BLTP3B: variants seen among roughly 807,000 people sequenced by gnomAD.
BLTP3B encodes the protein UHRF1 (ICBP90) binding protein 1-like.
chr12:100,097,366 C>T, the BLTP3B span: 2 of 1,608,642 alleles, frequency 1.2e-6, no homozygotes, highest in East Asian at 2.2e-5. Context: ...TTGACTCACC[C>T]TTCTTTTAAG....
the BLTP3B span, among the ~76,000 whole-genome samples, chr12:100,106,985 T>C: frequency 6.6e-6 from 1 of 152,100 alleles, no homozygotes; most frequent in South Asian, 2.1e-4. Flanking sequence ...AATTGACATA[T>C]GATTAAAGAT....
the BLTP3B span, chr12:100,058,446 T>C: frequency 6.2e-7 from 1 of 1,613,350 alleles, no homozygotes; most frequent in Non-Finnish European, 8.5e-7. Context: ...CAAAGGATCC[T>C]TTAAAGGGAT....
the BLTP3B span, chr12:100,097,540 A>G: frequency 6.4e-7 from 1 of 1,553,344 alleles, no homozygotes; most frequent in Non-Finnish European, 8.7e-7. Flanking sequence ...TCACTTACTC[A>G]TGCAAAACAG....
chr12:100,087,164 A>G, the BLTP3B span, among the ~76,000 whole-genome samples: 1 of 147,954 alleles, frequency 6.8e-6, no homozygotes, highest in Non-Finnish European at 1.5e-5. Flanking sequence ...ATCTCAAAAA[A>G]AAAAAAAAAA....
chr12:100,114,729 A>G, the BLTP3B span, among the ~76,000 whole-genome samples: 1 of 152,218 alleles, frequency 6.6e-6, no homozygotes, highest in Non-Finnish European at 1.5e-5. Flanking sequence ...TTTGGCTTGG[A>G]TCACTAAGTT....
the BLTP3B span, among the ~76,000 whole-genome samples, chr12:100,068,755 A>G: frequency 3.9e-5 from 6 of 152,158 alleles, no homozygotes; most frequent in Non-Finnish European, 8.8e-5. Context: ...AATGCTCAAC[A>G]TCACTAATGA....
the BLTP3B span, among the ~76,000 whole-genome samples, chr12:100,116,464 A>G: frequency 6.6e-6 from 1 of 150,950 alleles, no homozygotes; most frequent in Non-Finnish European, 1.5e-5. Context: ...AAAAAAAAAA[A>G]AAGAAAAGAA....
At chr12:100,056,784 C>T in the BLTP3B span, among the ~76,000 whole-genome samples, 1 of 150,476 alleles carries the variant, frequency 6.6e-6, no homozygotes, top group African/African-American at 2.5e-5. Context: ...TTTCAGTAAG[C>T]TGAGATCACA....
chr12:100,142,727 C>T, the BLTP3B span: 1 of 1,525,366 alleles, frequency 6.6e-7, no homozygotes, highest in African/African-American at 1.4e-5. Flanking sequence ...CTAGCCCGGC[C>T]GGCGGAGAGG....
the BLTP3B span, among the ~76,000 whole-genome samples, chr12:100,119,531 C>A: frequency 6.6e-6 from 1 of 151,914 alleles, no homozygotes; most frequent in African/African-American, 2.4e-5. Flanking sequence ...CATTATACTG[C>A]CAATTTCAAG....
chr12:100,102,742 T>C, the BLTP3B span: 1 of 1,403,936 alleles, frequency 7.1e-7, no homozygotes, highest in Non-Finnish European at 9.9e-7. Context: ...TTGGCAGTCA[T>C]GCAGATTAAT....
chr12:100,116,007 A>G, the BLTP3B span, among the ~76,000 whole-genome samples: 1 of 151,956 alleles, frequency 6.6e-6, no homozygotes, highest in Non-Finnish European at 1.5e-5. Context: ...CATCTCTACT[A>G]AAAATACAAA....
chr12:100,121,565 TCA>T, the BLTP3B span, among the ~76,000 whole-genome samples: 5 of 149,332 alleles, frequency 3.3e-5, no homozygotes, highest in East Asian at 1.0e-3. Flanking sequence ...GCATGGTGGC[TCA>T]AGCTTGTAAT....
chr12:100,073,712 G>A, the BLTP3B span, among the ~76,000 whole-genome samples: 6 of 151,948 alleles, frequency 3.9e-5, no homozygotes, highest in Admixed American at 2.6e-4. Context: ...AAAAGACTAT[G>A]TTTCATACAC....
At chr12:100,131,035 A>C in the BLTP3B span, among the ~76,000 whole-genome samples, 1 of 69,852 alleles carries the variant, frequency 1.4e-5, no homozygotes. Context: ...GAGAGAGAGA[A>C]AGAGTTTTTT....
the BLTP3B span, among the ~76,000 whole-genome samples, chr12:100,142,052 G>T: frequency 6.6e-6 from 1 of 152,204 alleles, no homozygotes; most frequent in Non-Finnish European, 1.5e-5. Flanking sequence ...CACACCCTCT[G>T]ATGCCACAGA....
At chr12:100,040,608 C>T in the BLTP3B span, among the ~76,000 whole-genome samples, 3 of 152,194 alleles carry the variant, frequency 2.0e-5, no homozygotes, top group African/African-American at 7.2e-5. Context: ...ATCCCTTGAA[C>T]CCAGGAGGCG....
chr12:100,140,666 T>C, the BLTP3B span, among the ~76,000 whole-genome samples: 34 of 126,828 alleles, frequency 2.7e-4, no homozygotes, highest in African/African-American at 1.0e-3. Context: ...GATCATGCCA[T>C]TGCACTCCAG....
chr12:100,113,225 C>A, the BLTP3B span, among the ~76,000 whole-genome samples: 1 of 151,494 alleles, frequency 6.6e-6, no homozygotes, highest in African/African-American at 2.4e-5. Flanking sequence ...CCTGTAATAC[C>A]AGCACTTTGG....
Sources: gnomAD v4.1 joint callset for allele counts (sites outside exome capture counted in the v4.1 genomes callset) on GRCh38, gnomAD v4.1.1 for gene constraint, MANE v1.5 for transcripts, NCBI Gene and HGNC (gene_info 2026-07-23, HGNC 2026-07-21) for gene names.